Variants in EIPR1 observed in about 807,000 individuals in gnomAD.
The protein encoded by EIPR1 is EARP and GARP complex-interacting protein 1.
Under a neutral mutation model 48.1 loss-of-function variants are expected in EIPR1, and 25 were observed. That is an observed-to-expected ratio of 0.52 (90% CI 0.38 to 0.73). The LOEUF is 0.73. Among genes scored for constraint, EIPR1 ranks in the 30% least tolerant of loss-of-function variants. The probability of loss-of-function intolerance (pLI) is 0.00; values close to 1 mark genes in which losing one functional copy is unlikely to be tolerated. For synonymous variants in EIPR1, 204 were observed against 201.9 expected (o/e 1.01, Z -0.09); for missense variants, 415 against 506.2 (o/e 0.82, Z 1.73).
intron 1 of EIPR1, among the ~76,000 whole-genome samples, chr2:3,376,303 G>A (rs561189676): frequency 4.1e-4 from 63 of 152,256 alleles, no homozygotes; most frequent in African/African-American, 1.4e-3. Flanking sequence ...AGGTCACATA[G>A]TTAATAAGTG....
intron 4 of EIPR1, among the ~76,000 whole-genome samples, chr2:3,227,573 C>T (rs556266009): frequency 6.6e-6 from 1 of 152,334 alleles, no homozygotes; most frequent in Admixed American, 6.5e-5. Flanking sequence ...AAGCCTGCTG[C>T]AGAAATTTGC....
intron 5 of EIPR1, among the ~76,000 whole-genome samples, chr2:3,205,361 C>T (rs1665193243): frequency 6.6e-6 from 1 of 152,214 alleles, no homozygotes; most frequent in Admixed American, 6.5e-5. Flanking sequence ...AACAGAGATG[C>T]AGAGAAATCT....
At chr2:3,297,039 T>A (rs1001802870) in intron 3 of EIPR1, among the ~76,000 whole-genome samples, 1 of 65,550 alleles carries the variant, frequency 1.5e-5, no homozygotes, top group Non-Finnish European at 3.5e-5. Context: ...TGGTGGCAGT[T>A]TCTCTCTGTA....
At chr2:3,290,281 C>A (rs993023157) in intron 3 of EIPR1, among the ~76,000 whole-genome samples, 1 of 152,142 alleles carries the variant, frequency 6.6e-6, no homozygotes, top group African/African-American at 2.4e-5. Context: ...ATGGTGGATG[C>A]GTAATTATGA....
intron 4 of EIPR1, among the ~76,000 whole-genome samples, chr2:3,230,482 G>C (rs1045784969): frequency 1.3e-5 from 2 of 152,288 alleles, no homozygotes; most frequent in Admixed American, 1.3e-4. Context: ...TCCACCACAT[G>C]AGGTTAGGTG....
intron 4 of EIPR1, among the ~76,000 whole-genome samples, chr2:3,234,569 C>T (rs1379135748): frequency 6.6e-6 from 1 of 152,206 alleles, no homozygotes; most frequent in Non-Finnish European, 1.5e-5. Context: ...AGCCCAGGGC[C>T]GTGGCGGTCA....
At chr2:3,276,048 A>T (rs938248527) in intron 3 of EIPR1, among the ~76,000 whole-genome samples, 4 of 152,242 alleles carry the variant, frequency 2.6e-5, no homozygotes, top group African/African-American at 9.6e-5. Flanking sequence ...TTAAAAATTT[A>T]CAAAACAGTA....
intron 5 of EIPR1, among the ~76,000 whole-genome samples, chr2:3,200,180 C>T (rs1309186909): frequency 6.6e-6 from 1 of 152,014 alleles, no homozygotes; most frequent in East Asian, 1.9e-4. Context: ...GAGGAGTGGA[C>T]CTGTCCGCTC....
At chr2:3,283,562 G>T (rs567982775) in intron 3 of EIPR1, among the ~76,000 whole-genome samples, 11 of 152,198 alleles carry the variant, frequency 7.2e-5, no homozygotes, top group Admixed American at 2.6e-4. Context: ...GCCAAAACTC[G>T]CCATGCCTTC....
intron 3 of EIPR1, among the ~76,000 whole-genome samples, chr2:3,271,289 T>C (rs1667694921): frequency 6.6e-6 from 1 of 152,198 alleles, no homozygotes; most frequent in South Asian, 2.1e-4. Context: ...AATGTCAATA[T>C]TCTGACCACC....
At chr2:3,212,137 C>T (rs62119005) in intron 5 of EIPR1, among the ~76,000 whole-genome samples, 42,099 of 152,016 alleles carry the variant, frequency 0.28, 6,934 homozygotes, top group Non-Finnish European at 0.38. Context: ...TGGAGGGCCA[C>T]AAAGTAATAT....
intron 3 of EIPR1, among the ~76,000 whole-genome samples, chr2:3,278,180 G>A (rs1667913766): frequency 6.6e-6 from 1 of 152,210 alleles, no homozygotes; most frequent in South Asian, 2.1e-4. Context: ...AGAGGCCCAG[G>A]GGAGTCTGAG....
chr2:3,200,939 C>G (rs1196134571), intron 5 of EIPR1, among the ~76,000 whole-genome samples: 3 of 152,162 alleles, frequency 2.0e-5, no homozygotes, highest in African/African-American at 7.2e-5. Context: ...GTGGCAGGGC[C>G]TGGGCACTCC....
chr2:3,314,173 A>G (rs1669215238), intron 3 of EIPR1, among the ~76,000 whole-genome samples: 1 of 152,158 alleles, frequency 6.6e-6, no homozygotes, highest in Non-Finnish European at 1.5e-5. Context: ...CGTGATCTAC[A>G]GTCTTCCTGA....
chr2:3,252,260 C>T (rs375303042), intron 4 of EIPR1, among the ~76,000 whole-genome samples: 15 of 152,202 alleles, frequency 9.9e-5, no homozygotes, highest in African/African-American at 2.9e-4. Context: ...AGAACAGAGA[C>T]GGGAGTACTG....
chr2:3,325,843 C>G (rs1209282447), intron 3 of EIPR1, among the ~76,000 whole-genome samples: 1 of 152,266 alleles, frequency 6.6e-6, no homozygotes, highest in Admixed American at 6.5e-5. Context: ...AAAGACGCAC[C>G]ACCCTTATCC....
At chr2:3,331,144 T>TGCACACTCATGAGATGGTGTGA (rs1669887779) in intron 3 of EIPR1, among the ~76,000 whole-genome samples, 1 of 133,492 alleles carries the variant, frequency 7.5e-6, no homozygotes, top group Non-Finnish European at 1.7e-5. Flanking sequence ...AGCAGGCGTG[T>TGCACACTCATGAGATGGTGTGA]GCACACTCAT....
intron 3 of EIPR1, among the ~76,000 whole-genome samples, chr2:3,304,679 C>T (rs1312385227): frequency 6.9e-6 from 1 of 143,886 alleles, no homozygotes; most frequent in African/African-American, 2.6e-5. Flanking sequence ...CCTCCACTCC[C>T]GTCCTGTTCA....
chr2:3,328,791 C>T (rs868440853), intron 3 of EIPR1, among the ~76,000 whole-genome samples: 5 of 97,948 alleles, frequency 5.1e-5, no homozygotes, highest in South Asian at 3.8e-4. Context: ...GGGCACCAGC[C>T]AGGCTCCCCT....
Sources: allele counts gnomAD v4.1 joint callset (sites outside exome capture counted in the v4.1 genomes callset), GRCh38; gene constraint gnomAD v4.1.1; transcripts MANE v1.5; gene names NCBI Gene and HGNC (gene_info 2026-07-23, HGNC 2026-07-21).